Variants in CA5B observed in about 807,000 individuals in gnomAD.
The protein encoded by CA5B is carbonic anhydrase 5B.
Under a neutral mutation model 23.1 loss-of-function variants are expected in CA5B, and 15 were observed. That is an observed-to-expected ratio of 0.65 (90% CI 0.43 to 1.00). CA5B has a LOEUF of 1.00. CA5B is among the 50% of genes least tolerant of loss of function. The pLI is 0.00. For synonymous variants in CA5B, 84 were observed against 98.5 expected, an observed-to-expected ratio of 0.85 and a Z score of 0.87; for missense variants, 236 against 252.2, an observed-to-expected ratio of 0.94 and a Z score of 0.43.
chrX:15,764,795 G>A lies in CA5B; in HGVS notation c.340+20G>A, dbSNP rs1243883403. The A allele has an allele frequency of 1.0e-6, 1 of 1,003,833 alleles. No individual in the cohort carries two copies. Among genetic ancestry groups the A allele is most frequent in the Non-Finnish European group, 1.4e-6 (1 of 740,223 alleles). The allele number at this position is 1,003,833 out of a possible 1,213,427, so 82.7% of individuals were successfully genotyped here. A position where few individuals can be genotyped will look rare whatever the true frequency, so the allele number is the denominator to read the frequency against. ...AATCAGGTGAGGGCAAGATCTGGTGGTCTTGTAAGGAGTTAAAGAAACAGT... is the reference window on the plus strand; with the variant it reads ...AATCAGGTGAGGGCAAGATCTGGTGATCTTGTAAGGAGTTAAAGAAACAGT... On this transcript the variant is annotated intron_variant, in intron 3 of 7. Transcript: ENST00000318636.
intron 3 of CA5B, chrX:15,767,056 T>C: frequency 1.1e-6 from 1 of 897,523 alleles, no homozygotes; most frequent in Non-Finnish European, 1.4e-6. Context: ...CATGGGGCTC[T>C]ACCATTATCC....
chrX:15,751,819 C>A (rs1004035834), intron 2 of CA5B, among the ~76,000 whole-genome samples: 2 of 111,110 alleles, frequency 1.8e-5, no homozygotes, highest in African/African-American at 6.6e-5. Flanking sequence ...CTGCTCTGGG[C>A]CTTCGAGCCG....
rs993374663 is a variant in CA5B, at chrX:15,784,712, A to T, written c.*2048A>T. 8.9e-5 allele frequency: 10 copies of T among 112,241 alleles called. No individual in the cohort carries two copies. The highest frequency in any genetic ancestry group is 3.2e-4 in the African/African-American group (10 of 30,901). 9.2% of individuals were successfully genotyped at this position (112,241 alleles called of 1,213,427 possible). On this transcript the variant is annotated 3_prime_UTR_variant, in exon 8 of 8. Coordinates refer to ENST00000318636, the MANE Select transcript of CA5B (RefSeq NM_007220.4). ...GAAACGGGACTACATCAAACTTAAA[A>T]ATGTCTGTGTGTCAAAGGAAGCAAT...
At chrX:15,780,493 C>G (rs964235221) in intron 7 of CA5B, among the ~76,000 whole-genome samples, 2 of 110,855 alleles carry the variant, frequency 1.8e-5, no homozygotes, top group African/African-American at 6.6e-5. Flanking sequence ...AGGCTGGTCT[C>G]GAACTCCTGA....
chrX:15,782,685 A>ATTTTGC lies in CA5B; in HGVS notation c.*31_*36dup, dbSNP rs1467283352. 1 of 1,142,729 alleles carries ATTTTGC rather than the reference A, an allele frequency of 8.8e-7. No homozygotes were observed. The highest frequency in any genetic ancestry group is 1.2e-6 in the Non-Finnish European group (1 of 858,254). The allele number at this position is 1,142,729 out of a possible 1,213,427, so 94.2% of individuals were successfully genotyped here. A position where few individuals can be genotyped will look rare whatever the true frequency, so the allele number is the denominator to read the frequency against. On this transcript the variant is annotated 3_prime_UTR_variant, in exon 8 of 8. Transcript: ENST00000318636. ...CCTAAAACATTCATATCTAGGCAGT[A>ATTTTGC]TTTTGCTTTTGCTTTAATATATACT...
rs867426947 is a variant in CA5B at position 15,786,656 on chromosome X, C to T, written c.*3992C>T. ...TTAGTGGTTGGTGAAAGACTTCCTT[C>T]CTATTGTTACAGTATATGTATATAT... On this transcript the variant is annotated 3_prime_UTR_variant, in exon 8 of 8. Coordinates refer to ENST00000318636, the MANE Select transcript of CA5B (RefSeq NM_007220.4). The T allele has an allele frequency of 9.9e-6, 1 of 101,104 alleles. No individual in the cohort carries two copies. The allele number at this position is 101,104 out of a possible 1,213,427, so 8.3% of individuals were successfully genotyped here.
Position 15,752,279 on chromosome X carries a change from C to G in CA5B, c.142+2114C>G, listed in dbSNP as rs200688534. On this transcript the variant is annotated intron_variant, in intron 2 of 7. Coordinates refer to ENST00000318636, the MANE Select transcript of CA5B (RefSeq NM_007220.4). ...CTCACCAGATGGGTTTTATTCAACC[C>G]TATATATCGTGATTTACTTTCCAAG... Among the ~76,000 whole-genome samples, 27 of 111,140 alleles carry G rather than the reference C, an allele frequency of 2.4e-4. No individual in the cohort carries two copies. In the East Asian group the frequency reaches 2.8e-3, roughly 12 times the overall value.
chrX:15,750,795 C>G (rs954571993), intron 2 of CA5B, among the ~76,000 whole-genome samples: 1 of 111,919 alleles, frequency 8.9e-6, no homozygotes, highest in African/African-American at 3.3e-5. Context: ...ATCTCGTTCC[C>G]CTCCTGGAAA....
chrX:15,772,550 A>G lies in CA5B; in HGVS notation c.395A>G (p.His132Arg), dbSNP rs1931840925. The G allele has an allele frequency of 8.3e-7, 1 of 1,207,463 alleles. No homozygotes were observed. The highest frequency in any genetic ancestry group is 1.1e-6 in the Non-Finnish European group (1 of 893,509). Residue 132 changes from histidine (H) to arginine (R), a missense_variant, in exon 4 of 8, where the codon CAC becomes CGC. Around this residue, in one of 3 missense-constraint regions of CA5B, gnomAD observed 170 missense variants for 162.0 expected, o/e 1.05. Transcript: ENST00000318636. ...TACCGATTGAAGCAGTTCCATTTTC[A>G]CTGGGGGGCCATCGATGCCTGGGGT... Reference protein sequence around the residue: ...HNYRLKQFHFHWGAIDAWGSE... With the variant: ...HNYRLKQFHFRWGAIDAWGSE...
intron 2 of CA5B, among the ~76,000 whole-genome samples, chrX:15,752,233 A>G (rs1300831753): frequency 4.5e-5 from 5 of 111,205 alleles, no homozygotes; most frequent in Non-Finnish European, 9.4e-5. Flanking sequence ...CTGGGGAGTC[A>G]TGCCCCACAA....
intron 1 of CA5B, among the ~76,000 whole-genome samples, chrX:15,745,442 C>T (rs774905006): frequency 8.9e-6 from 1 of 112,112 alleles, no homozygotes; most frequent in South Asian, 3.6e-4. Flanking sequence ...GGTTGCACAA[C>T]ATTATGAATG....
At chrX:15,739,242 T>G (rs1931071307) in intron 1 of CA5B, among the ~76,000 whole-genome samples, 1 of 111,629 alleles carries the variant, frequency 9.0e-6, no homozygotes, top group Non-Finnish European at 1.9e-5. Context: ...TGCTTCCCAT[T>G]CTTCCTTTAC....
intron 6 of CA5B, 133 bp downstream of exon 6, chrX:15,775,441 C>T: frequency 9.9e-7 from 1 of 1,014,001 alleles, no homozygotes; most frequent in Non-Finnish European, 1.3e-6. Context: ...GAAAACTTGC[C>T]ATTTATGATT....
At chrX:15,773,500 C>G (rs1306958733) in intron 4 of CA5B, among the ~76,000 whole-genome samples, 2 of 105,082 alleles carry the variant, frequency 1.9e-5, no homozygotes, top group African/African-American at 7.0e-5. Flanking sequence ...AGCTCTGCCT[C>G]CCGGGTTCAC....
chrX:15,748,451 C>G (rs1293249932), intron 1 of CA5B, among the ~76,000 whole-genome samples: 1 of 111,698 alleles, frequency 9.0e-6, no homozygotes, highest in Non-Finnish European at 1.9e-5. Context: ...GCTCAAGGCA[C>G]CATCAAGATA....
intron 1 of CA5B, among the ~76,000 whole-genome samples, chrX:15,739,414 A>G (rs1931074085): frequency 9.2e-6 from 1 of 108,664 alleles, no homozygotes; most frequent in Non-Finnish European, 1.9e-5. Context: ...TGGAAGTGGA[A>G]AACCGTAAAG....
chrX:15,747,734 C>G (rs1233890757), intron 1 of CA5B, among the ~76,000 whole-genome samples: 1 of 111,514 alleles, frequency 9.0e-6, no homozygotes, highest in African/African-American at 3.3e-5. Context: ...TTTAAGTCTG[C>G]TCAGTTAATT....
chrX:15,742,645 C>T (rs181284337), intron 1 of CA5B, among the ~76,000 whole-genome samples: 168 of 113,068 alleles, frequency 1.5e-3, no homozygotes, highest in Non-Finnish European at 1.5e-3. Context: ...TCCCGAAGTG[C>T]TGGAATTACA....
intron 3 of CA5B, among the ~76,000 whole-genome samples, chrX:15,769,086 C>T (rs1321417842): frequency 9.0e-6 from 1 of 111,425 alleles, no homozygotes; most frequent in Non-Finnish European, 1.9e-5. Context: ...ACAAACTAAA[C>T]CCAAAAGCAA....
Sources: allele counts gnomAD v4.1 joint callset (sites outside exome capture counted in the v4.1 genomes callset), GRCh38; gene constraint gnomAD v4.1.1; regional missense constraint gnomAD v4.1.1; transcripts MANE v1.5; gene names NCBI Gene and HGNC (gene_info 2026-07-23, HGNC 2026-07-21).